The following PTPRR variants were observed in gnomAD, a reference collection of about 807,000 sequenced individuals.
PTPRR encodes protein tyrosine phosphatase receptor type R.
In PTPRR, 38 loss-of-function variants were observed where a neutral mutation model predicts 77.2. That is an observed-to-expected ratio of 0.49 (90% CI 0.38 to 0.65). The LOEUF is 0.65. Ranked by LOEUF, PTPRR falls within the 30% of genes least tolerant of loss-of-function variation. The pLI is 0.00. For synonymous variants in PTPRR, 299 were observed against 283.1 expected (o/e 1.06, Z -0.57); for missense variants, 744 against 799.2 (o/e 0.93, Z 0.83).
chr12:70,655,757 T>G (rs1304809172), intron 13 of PTPRR, among the ~76,000 whole-genome samples: 1 of 151,560 alleles, frequency 6.6e-6, no homozygotes, highest in Non-Finnish European at 1.5e-5. Flanking sequence ...AATGGGGAGT[T>G]TTTTAATGGA....
chr12:70,853,963 A>G (rs114311032), intron 2 of PTPRR, among the ~76,000 whole-genome samples: 226 of 152,284 alleles, frequency 1.5e-3, no homozygotes, highest in African/African-American at 4.6e-3. Flanking sequence ...TCAACAACAA[A>G]TCTCTGAGAA....
At chr12:70,811,301 A>T (rs1161048319) in intron 2 of PTPRR, among the ~76,000 whole-genome samples, 1 of 152,222 alleles carries the variant, frequency 6.6e-6, no homozygotes, top group Admixed American at 6.5e-5. Flanking sequence ...TTTATGACAG[A>T]AGTTCAGTAA....
intron 2 of PTPRR, among the ~76,000 whole-genome samples, chr12:70,851,617 T>A (rs1892573307): frequency 6.6e-6 from 1 of 152,196 alleles, no homozygotes; most frequent in African/African-American, 2.4e-5. Flanking sequence ...AGTTAACATG[T>A]ATAAGGCATT....
chr12:70,664,266 C>G (rs1886899498), intron 10 of PTPRR: 1 of 152,164 alleles, frequency 6.6e-6, no homozygotes, highest in African/African-American at 2.4e-5. Context: ...CAACTCATTT[C>G]TCTCGAAATC....
chr12:70,660,866 C>T (rs1247796808), intron 12 of PTPRR, 74 bp downstream of exon 12: 1 of 1,416,734 alleles, frequency 7.1e-7, no homozygotes, highest in East Asian at 2.5e-5. Flanking sequence ...GGAAGCAAAA[C>T]CCACTTGCAC....
intron 1 of PTPRR, among the ~76,000 whole-genome samples, chr12:70,905,749 A>C (rs912188457): frequency 6.6e-6 from 1 of 151,996 alleles, no homozygotes; most frequent in African/African-American, 2.4e-5. Context: ...TCTCAGAATA[A>C]ATCCTCGCAT....
At chr12:70,899,769 G>A (rs553068586) in intron 1 of PTPRR, among the ~76,000 whole-genome samples, 1 of 151,434 alleles carries the variant, frequency 6.6e-6, no homozygotes, top group Admixed American at 6.6e-5. Context: ...CAGATGACAT[G>A]ATTGTCTATA....
intron 2 of PTPRR, among the ~76,000 whole-genome samples, chr12:70,882,184 G>A (rs1221517994): frequency 6.6e-6 from 1 of 152,204 alleles, no homozygotes; most frequent in African/African-American, 2.4e-5. Context: ...CTGCGCAAGA[G>A]AAAGTGAAGA....
intron 1 of PTPRR, among the ~76,000 whole-genome samples, chr12:70,912,321 T>C (rs1893712064): frequency 6.6e-6 from 1 of 152,182 alleles, no homozygotes; most frequent in African/African-American, 2.4e-5. Context: ...AGAGTCTTGC[T>C]CTGTACATAT....
intron 2 of PTPRR, among the ~76,000 whole-genome samples, chr12:70,891,814 T>C (rs1017937164): frequency 2.6e-5 from 4 of 152,126 alleles, no homozygotes; most frequent in African/African-American, 4.8e-5. Context: ...TTACATTTGG[T>C]GCATAGAGGA....
intron 2 of PTPRR, among the ~76,000 whole-genome samples, chr12:70,765,238 G>C (rs922968485): frequency 6.6e-6 from 1 of 152,212 alleles, no homozygotes; most frequent in Non-Finnish European, 1.5e-5. Context: ...CAAGGGCTCA[G>C]GGAGTTCCCT....
intron 2 of PTPRR, among the ~76,000 whole-genome samples, chr12:70,865,769 C>A (rs1280529155): frequency 6.6e-6 from 1 of 152,030 alleles, no homozygotes; most frequent in Admixed American, 6.6e-5. Flanking sequence ...ATACTTAATA[C>A]AGGGTCCAAG....
intron 2 of PTPRR, among the ~76,000 whole-genome samples, chr12:70,788,342 G>A (rs775013124): frequency 1.3e-5 from 2 of 152,142 alleles, no homozygotes; most frequent in South Asian, 2.1e-4. Context: ...CAGGGTATCC[G>A]AGATGTCATT....
At chr12:70,901,372 G>A (rs1024874305) in intron 1 of PTPRR, among the ~76,000 whole-genome samples, 5 of 151,362 alleles carry the variant, frequency 3.3e-5, no homozygotes, top group African/African-American at 7.3e-5. Flanking sequence ...ATCAATAGAC[G>A]AATGGGTAAA....
At chr12:70,839,852 C>A (rs1438856083) in intron 2 of PTPRR, among the ~76,000 whole-genome samples, 1 of 152,168 alleles carries the variant, frequency 6.6e-6, no homozygotes, top group Non-Finnish European at 1.5e-5. Flanking sequence ...TTCTTAGAAC[C>A]AGATAAAACT....
At chr12:70,680,952 A>C (rs1240439104) in intron 10 of PTPRR, among the ~76,000 whole-genome samples, 1 of 152,172 alleles carries the variant, frequency 6.6e-6, no homozygotes, top group Non-Finnish European at 1.5e-5. Flanking sequence ...CTGACTGCTC[A>C]TGAGGCCAGT....
At chr12:70,867,220 T>C (rs1439974029) in intron 2 of PTPRR, among the ~76,000 whole-genome samples, 1 of 151,948 alleles carries the variant, frequency 6.6e-6, no homozygotes. Flanking sequence ...AAATAAAGGG[T>C]ATTCAATCAG....
At chr12:70,783,311 T>C (rs1891243591) in intron 2 of PTPRR, among the ~76,000 whole-genome samples, 1 of 151,886 alleles carries the variant, frequency 6.6e-6, no homozygotes, top group Non-Finnish European at 1.5e-5. Context: ...TCCTCTCTGC[T>C]ACTGGTTGTG....
At chr12:70,889,076 A>G (rs1272664939) in intron 2 of PTPRR, among the ~76,000 whole-genome samples, 1 of 152,132 alleles carries the variant, frequency 6.6e-6, no homozygotes. Flanking sequence ...TGAACCAATA[A>G]ATTTTCTCCA....
Sources: gnomAD v4.1 joint callset for allele counts (sites outside exome capture counted in the v4.1 genomes callset) on GRCh38, gnomAD v4.1.1 for gene constraint, MANE v1.5 for transcripts, NCBI Gene and HGNC (gene_info 2026-07-23, HGNC 2026-07-21) for gene names.